AP2A1: variants seen among roughly 807,000 people sequenced by gnomAD.
AP2A1 encodes the protein adaptor related protein complex 2 subunit alpha 1, also known as AP-2 complex subunit alpha-1.
A neutral mutation model predicts 107.3 loss-of-function variants in AP2A1; 21 were observed. The ratio of observed to expected loss-of-function variants is 0.20; its 90% confidence interval spans 0.14 to 0.28. The LOEUF is 0.28. Ranked by LOEUF, AP2A1 falls within the 10% of genes least tolerant of loss-of-function variation. The pLI is 1.00. For missense variants in AP2A1, 873 were observed against 1,307.7 expected (o/e 0.67, Z 5.13); for synonymous variants, 602 against 564.8 (o/e 1.07, Z -0.93).
At position 49,788,449 on chromosome 19, in the gene AP2A1, G is replaced by A. The variant is rs117647449; in HGVS notation, c.474-3486G>A. On this transcript the variant is annotated intron_variant, in intron 4 of 22. Transcript: ENST00000354293. This position sits in a 1 kb window ranked among gnomAD's most constrained non-coding sequence, Gnocchi z 4.5. ...GTGGTGGGGAGCGAGCGAGCTGTGC[G>A]GGAACACTTAGAGCAGAGTTTGGCC... Among the ~76,000 whole-genome samples the A allele has an allele frequency of 1.3e-5, 2 of 152,308 alleles. No individual in the cohort carries two copies. Among genetic ancestry groups the A allele is most frequent in the East Asian group, 3.9e-4 (2 of 5,176 alleles).
At chr19:49,806,519 C>T (rs954461784) in intron 22 of AP2A1, 162 bp from the exon 23 acceptor site, 17 of 1,449,994 alleles carry the variant, frequency 1.2e-5, no homozygotes, top group Middle Eastern at 2.5e-4. Flanking sequence ...TAATTTTCTT[C>T]CTCTCTGGCG....
intron 5 of AP2A1, among the ~76,000 whole-genome samples, chr19:49,792,375 C>G (rs1223227902): frequency 3.3e-5 from 5 of 149,852 alleles, no homozygotes; most frequent in African/African-American, 1.2e-4. Flanking sequence ...CCCACCTCAG[C>G]CCTCACGCCC....
At chr19:49,777,343 AAG>A (rs2084626748) in intron 1 of AP2A1, among the ~76,000 whole-genome samples, 1 of 151,752 alleles carries the variant, frequency 6.6e-6, no homozygotes, top group Admixed American at 6.6e-5. Flanking sequence ...ATACTTTAAA[AAG>A]AGATTTCCAG....
At chr19:49,773,790 C>G (rs891180893) in intron 1 of AP2A1, among the ~76,000 whole-genome samples, 4 of 148,174 alleles carry the variant, frequency 2.7e-5, no homozygotes, top group African/African-American at 1.0e-4. Flanking sequence ...GAGAATCTAA[C>G]TAAGTGGGGG....
In AP2A1 at chr19:49,806,112, C is replaced by T. The variant is rs1268958072; in HGVS notation, c.2656-7C>T. 6.4e-7 allele frequency: 1 copy of T among 1,565,712 alleles called. No homozygotes were observed. On this transcript the variant is annotated splice_polypyrimidine_tract_variant and splice_region_variant and intron_variant, in intron 21 of 22. Coordinates refer to ENST00000354293, the MANE Select transcript of AP2A1 (RefSeq NM_130787.3). Reference sequence around the variant, plus strand: ...GCACACTCTGACGGCGCCCCCCCTCCTCCCAGCTTCTGGGGTTTGGCTCTG... The same window carrying T: ...GCACACTCTGACGGCGCCCCCCCTCTTCCCAGCTTCTGGGGTTTGGCTCTG...
intron 1 of AP2A1, among the ~76,000 whole-genome samples, chr19:49,773,782 G>T (rs900332438): frequency 6.6e-6 from 1 of 151,964 alleles, no homozygotes; most frequent in Non-Finnish European, 1.5e-5. Flanking sequence ...TTGGAGCAGA[G>T]AATCTAACTA....
At chr19:49,770,439 C>A (rs1284476511) in intron 1 of AP2A1, among the ~76,000 whole-genome samples, 1 of 152,182 alleles carries the variant, frequency 6.6e-6, no homozygotes, top group Non-Finnish European at 1.5e-5. Flanking sequence ...ACAGGACAGA[C>A]TTGTCCACCC....
At chr19:49,771,319 A>G (rs1490514633) in intron 1 of AP2A1, among the ~76,000 whole-genome samples, 2 of 151,512 alleles carry the variant, frequency 1.3e-5, no homozygotes, top group Non-Finnish European at 2.9e-5. Flanking sequence ...AAAAAAAAAA[A>G]AAAAAAAGAA....
At chr19:49,773,727 T>C (rs983113508) in intron 1 of AP2A1, among the ~76,000 whole-genome samples, 6 of 152,164 alleles carry the variant, frequency 3.9e-5, no homozygotes, top group Non-Finnish European at 5.9e-5. Context: ...TTAAGGATGA[T>C]GCTCTTATAT....
intron 1 of AP2A1, among the ~76,000 whole-genome samples, chr19:49,774,101 G>A (rs925854877): frequency 1.4e-4 from 22 of 152,214 alleles, no homozygotes; most frequent in African/African-American, 5.1e-4. Flanking sequence ...AGCACAGGAA[G>A]TCAAACAGAT....
At chr19:49,787,321 C>A in intron 4 of AP2A1, among the ~76,000 whole-genome samples, 1 of 139,880 alleles carries the variant, frequency 7.1e-6, no homozygotes, top group African/African-American at 2.8e-5. Flanking sequence ...CCACTCCCAT[C>A]TAGGCTTTTT....
In AP2A1 at chr19:49,807,021, C is replaced by T; in HGVS notation, c.*263C>T. 4 of 960,854 alleles carry T rather than the reference C, an allele frequency of 4.2e-6. No individual in the cohort carries two copies. The highest frequency in any genetic ancestry group is 4.6e-6 in the Non-Finnish European group (3 of 656,152). 59.5% of individuals were successfully genotyped at this position (960,854 alleles called of 1,614,324 possible). Reference sequence around the variant, plus strand: ...GGGGCCAGGGAAGTGGATGTCTCCTCCCCTCCCACCCCACCCTGTTGTAGC... The same window carrying T: ...GGGGCCAGGGAAGTGGATGTCTCCTTCCCTCCCACCCCACCCTGTTGTAGC... On this transcript the variant is annotated 3_prime_UTR_variant, in exon 23 of 23. Coordinates refer to ENST00000354293, the MANE Select transcript of AP2A1 (RefSeq NM_130787.3).
At position 49,805,866 on chromosome 19, in the gene AP2A1, C is replaced by T. The variant is rs201854364; in HGVS notation, c.2586-6C>T. Reference sequence around the variant, plus strand: ...GGTCCCTGACTTGAACCTTCCCGGTCCCCAGCCCTCAACAGGAGGCGCAGA... The same window carrying T: ...GGTCCCTGACTTGAACCTTCCCGGTTCCCAGCCCTCAACAGGAGGCGCAGA... On this transcript the variant is annotated splice_polypyrimidine_tract_variant and splice_region_variant and intron_variant, in intron 20 of 22. Coordinates refer to ENST00000354293, the MANE Select transcript of AP2A1 (RefSeq NM_130787.3). The T allele has an allele frequency of 1.2e-5, 20 of 1,613,550 alleles. No individual in the cohort carries two copies. The highest frequency in any genetic ancestry group is 1.7e-5 in the Non-Finnish European group (20 of 1,179,884).
At chr19:49,806,479 ATATCCTTTCCACCT>A in intron 22 of AP2A1, 188 bp from the exon 23 acceptor site, 1 of 1,441,254 alleles carries the variant, frequency 6.9e-7, no homozygotes. Context: ...CTACCTTTCC[ATATCCTTTCCACCT>A]TTCTCTCATC....
At chr19:49,800,237 C>T (rs1306080062) in intron 11 of AP2A1, 87 bp downstream of exon 11, 50 of 1,427,436 alleles carry the variant, frequency 3.5e-5, no homozygotes, top group Non-Finnish European at 4.0e-5. Flanking sequence ...GCCTGCCAGC[C>T]CGCAGCCACC....
chr19:49,767,080 C>T lies in AP2A1; in HGVS notation c.-54C>T. 2 of 1,570,670 alleles carry T rather than the reference C, an allele frequency of 1.3e-6. No homozygotes were observed. Among genetic ancestry groups the T allele is most frequent in the Non-Finnish European group, 1.7e-6 (2 of 1,160,832 alleles). On this transcript the variant is annotated 5_prime_UTR_variant, in exon 1 of 23. Coordinates refer to ENST00000354293, the MANE Select transcript of AP2A1 (RefSeq NM_130787.3). ...TTCCGCCCGGTCCCCGCTTGCCAGCCCCCGCTGCTCTGTGCCCTGTCCGGC... is the reference window on the plus strand; with the variant it reads ...TTCCGCCCGGTCCCCGCTTGCCAGCTCCCGCTGCTCTGTGCCCTGTCCGGC...
chr19:49,802,801 GATGCGAGGTTCCT>G, intron 15 of AP2A1, 135 bp from the exon 16 acceptor site: 1 of 1,067,978 alleles, frequency 9.4e-7, no homozygotes, highest in Non-Finnish European at 1.4e-6. Flanking sequence ...CTGCTGGATG[GATGCGAGGTTCCT>G]CGAGGCTCTG....
chr19:49,799,818 C>A, intron 10 of AP2A1, 52 bp downstream of exon 10: 1 of 1,584,598 alleles, frequency 6.3e-7, no homozygotes, highest in Admixed American at 1.8e-5. Context: ...CAGGAGGTGG[C>A]TGGGGGCCTG....
intron 1 of AP2A1, 38 bp downstream of exon 1, chr19:49,767,238 A>AGGGGGGGGG: frequency 6.5e-7 from 1 of 1,531,706 alleles, no homozygotes; most frequent in Non-Finnish European, 9.0e-7. Flanking sequence ...GACGCGGGGG[A>AGGGGGGGGG]GGGGGGAGCG....
Sources: gnomAD v4.1 joint callset for allele counts (sites outside exome capture counted in the v4.1 genomes callset) on GRCh38, gnomAD v4.1.1 for gene constraint, Gnocchi (gnomAD v3.1) non-coding constraint, MANE v1.5 for transcripts, NCBI Gene and HGNC (gene_info 2026-07-23, HGNC 2026-07-21) for gene names.